Variants in MGAT4C observed in about 807,000 individuals in gnomAD.
The protein encoded by MGAT4C is alpha-1,3-mannosyl-glycoprotein 4-beta-N-acetylglucosaminyltransferase C.
MGAT4C carries 19 observed loss-of-function variants against 40.1 expected under a neutral mutation model. The observed-to-expected ratio is 0.47, with a 90% CI of 0.33 to 0.70. The LOEUF (loss-of-function observed/expected upper bound fraction) is 0.70. Among genes scored for constraint, MGAT4C ranks in the 30% least tolerant of loss-of-function variants. MGAT4C has a pLI of 0.02. For missense variants in MGAT4C, 491 were observed against 563.2 expected, an observed-to-expected ratio of 0.87 and a Z score of 1.30; for synonymous variants, 181 against 187.1, an observed-to-expected ratio of 0.97 and a Z score of 0.27.
intron 2 of MGAT4C, among the ~76,000 whole-genome samples, chr12:86,467,832 A>G (rs1418493089): frequency 1.3e-5 from 2 of 152,118 alleles, no homozygotes; most frequent in Non-Finnish European, 2.9e-5. Context: ...GTTGATTCCA[A>G]GAAATCTAAA....
chr12:86,221,119 G>A (rs1283065029), intron 1 of MGAT4C, among the ~76,000 whole-genome samples: 1 of 152,106 alleles, frequency 6.6e-6, no homozygotes, highest in African/African-American at 2.4e-5. Context: ...TCAGTTGAAC[G>A]GAATCAACAG....
chr12:86,048,137 G>A lies in MGAT4C; in HGVS notation c.-7+1537C>T, dbSNP rs1443764711. Reference sequence around the variant, plus strand: ...TGGAATACTCTGTCACCATAAAGAAGAACAAAATCGCGTCCTTTGCAGCAA... The same window carrying A: ...TGGAATACTCTGTCACCATAAAGAAAAACAAAATCGCGTCCTTTGCAGCAA... On this transcript the variant is annotated intron_variant, in intron 2 of 4. Transcript: ENST00000611864. 2.6e-5 allele frequency among the ~76,000 whole-genome samples: 4 copies of A among 152,032 alleles called. No individual in the cohort carries two copies. The East Asian group carries it at 7.7e-4, about 29-fold the overall frequency.
At chr12:86,148,679 G>T (rs1438564773) in intron 1 of MGAT4C, among the ~76,000 whole-genome samples, 1 of 152,152 alleles carries the variant, frequency 6.6e-6, no homozygotes, top group East Asian at 1.9e-4. Flanking sequence ...TTAGTCTAAA[G>T]TAGACAGCAC....
chr12:86,508,788 T>C (rs1384509794), intron 2 of MGAT4C, among the ~76,000 whole-genome samples: 2 of 149,256 alleles, frequency 1.3e-5, no homozygotes. Flanking sequence ...GTGGTTTTGA[T>C]TTGCATTTCT....
At chr12:86,117,896 T>A (rs1357792938) in intron 1 of MGAT4C, among the ~76,000 whole-genome samples, 2 of 152,174 alleles carry the variant, frequency 1.3e-5, no homozygotes, top group Non-Finnish European at 2.9e-5. Context: ...TCTGTGGTGA[T>A]GACTAATGGG....
At chr12:86,143,189 G>T (rs957010909) in intron 1 of MGAT4C, among the ~76,000 whole-genome samples, 2 of 152,044 alleles carry the variant, frequency 1.3e-5, no homozygotes, top group Admixed American at 1.3e-4. Context: ...TGCCTGAGGG[G>T]GCCCAATATT....
intron 2 of MGAT4C, among the ~76,000 whole-genome samples, chr12:86,641,059 C>A (rs1054139404): frequency 7.3e-5 from 11 of 151,404 alleles, no homozygotes; most frequent in African/African-American, 2.4e-4. Context: ...TGGTGTGGTG[C>A]GGAAAAAAAT....
chr12:86,172,299 T>G (rs1229238722), intron 1 of MGAT4C, among the ~76,000 whole-genome samples: 1 of 152,116 alleles, frequency 6.6e-6, no homozygotes, highest in Non-Finnish European at 1.5e-5. Flanking sequence ...CAAGCTAAAT[T>G]TCTTCATCTA....
At chr12:86,600,339 G>A (rs1176932254) in intron 2 of MGAT4C, among the ~76,000 whole-genome samples, 2 of 152,142 alleles carry the variant, frequency 1.3e-5, no homozygotes, top group Non-Finnish European at 2.9e-5. Flanking sequence ...GACGTGCATC[G>A]GTAGCTGTTC....
intron 1 of MGAT4C, among the ~76,000 whole-genome samples, chr12:86,205,873 A>AAT (rs1950231099): frequency 6.6e-6 from 1 of 151,980 alleles, no homozygotes; most frequent in South Asian, 2.1e-4. Flanking sequence ...TAGTTATTTC[A>AAT]GTTTCTGACA....
At chr12:86,727,472 C>T (rs1231758196) in intron 1 of MGAT4C, among the ~76,000 whole-genome samples, 2 of 151,730 alleles carry the variant, frequency 1.3e-5, no homozygotes, top group African/African-American at 4.8e-5. Context: ...GGCTTGAATC[C>T]AGGAAATGTT....
At chr12:86,362,784 G>A (rs1286971960) in intron 3 of MGAT4C, among the ~76,000 whole-genome samples, 2 of 147,088 alleles carry the variant, frequency 1.4e-5, no homozygotes, top group East Asian at 2.1e-4. Flanking sequence ...GGAGAGTGGC[G>A]TGAACCTGGG....
intron 1 of MGAT4C, among the ~76,000 whole-genome samples, chr12:86,815,471 T>C (rs764679518): frequency 2.6e-5 from 4 of 151,704 alleles, no homozygotes; most frequent in Non-Finnish European, 5.9e-5. Context: ...GAACTACCAT[T>C]TGATCCAACA....
intron 1 of MGAT4C, among the ~76,000 whole-genome samples, chr12:86,213,689 G>T (rs1014380326): frequency 2.0e-5 from 3 of 152,066 alleles, no homozygotes; most frequent in Admixed American, 6.6e-5. Context: ...TTATATTCAA[G>T]AATATTTACA....
chr12:86,504,855 G>T (rs1958442158), intron 2 of MGAT4C, among the ~76,000 whole-genome samples: 1 of 151,984 alleles, frequency 6.6e-6, no homozygotes, highest in Non-Finnish European at 1.5e-5. Context: ...CTCAATGTTG[G>T]CCACGATGGT....
At chr12:86,193,462 C>A (rs1012958502) in intron 1 of MGAT4C, among the ~76,000 whole-genome samples, 3 of 151,906 alleles carry the variant, frequency 2.0e-5, no homozygotes, top group African/African-American at 7.2e-5. Flanking sequence ...ATTTATCTAC[C>A]AGTATCATTG....
chr12:86,203,202 T>G (rs839153), intron 1 of MGAT4C, among the ~76,000 whole-genome samples: 102,835 of 151,982 alleles, frequency 0.68, 35,090 homozygotes, highest in South Asian at 0.75. Flanking sequence ...GCTTTAGTTA[T>G]GATGTCTTTA....
intron 2 of MGAT4C, among the ~76,000 whole-genome samples, chr12:86,641,617 G>A (rs1268964694): frequency 2.0e-5 from 3 of 151,834 alleles, no homozygotes; most frequent in Admixed American, 6.6e-5. Flanking sequence ...TGACGGTGCC[G>A]ATTTTGATTG....
At chr12:86,576,819 C>T (rs1232878518) in intron 2 of MGAT4C, among the ~76,000 whole-genome samples, 1 of 151,716 alleles carries the variant, frequency 6.6e-6, no homozygotes, top group East Asian at 1.9e-4. Flanking sequence ...TTCTTTACTT[C>T]CATATTCATT....
Sources: allele counts gnomAD v4.1 joint callset (sites outside exome capture counted in the v4.1 genomes callset), GRCh38; gene constraint gnomAD v4.1.1; transcripts MANE v1.5; gene names NCBI Gene and HGNC (gene_info 2026-07-23, HGNC 2026-07-21).